The following KCNN2 variants were observed in gnomAD, a reference collection of about 807,000 sequenced individuals.
The protein encoded by KCNN2 is potassium calcium-activated channel subfamily N member 2, also known as small conductance calcium-activated potassium channel protein 2.
KCNN2 carries 24 observed loss-of-function variants against 55.5 expected under a neutral mutation model. That is an observed-to-expected ratio of 0.43 (90% CI 0.31 to 0.61). KCNN2 has a LOEUF of 0.61. Among genes scored for constraint, KCNN2 ranks in the 20% least tolerant of loss-of-function variants. KCNN2 has a pLI of 0.08. For missense variants in KCNN2, 754 were observed against 853.6 expected, an observed-to-expected ratio of 0.88 and a Z score of 1.45; for synonymous variants, 431 against 336.1, an observed-to-expected ratio of 1.28 and a Z score of -3.09.
intron 5 of KCNN2, among the ~76,000 whole-genome samples, chr5:114,479,856 A>G (rs1312531168): frequency 1.3e-5 from 2 of 152,232 alleles, no homozygotes; most frequent in Non-Finnish European, 2.9e-5. Flanking sequence ...GCAACGTAGC[A>G]GAATCTCTGG....
intron 3 of KCNN2, among the ~76,000 whole-genome samples, chr5:114,409,639 T>G (rs1759062910): frequency 6.6e-6 from 1 of 152,190 alleles, no homozygotes; most frequent in African/African-American, 2.4e-5. Context: ...TTGGACTTTT[T>G]TAAAAGGAAA....
intron 1 of KCNN2, among the ~76,000 whole-genome samples, chr5:114,170,200 A>T (rs993531841): frequency 8.5e-5 from 13 of 152,224 alleles, no homozygotes; most frequent in African/African-American, 3.1e-4. Context: ...CGAAAGCATC[A>T]TTTTTGGCCA....
chr5:114,312,434 C>CATATATATATAT (rs59964515), intron 2 of KCNN2, among the ~76,000 whole-genome samples: 19 of 23,388 alleles, frequency 8.1e-4, no homozygotes, highest in African/African-American at 1.5e-3. Context: ...CACACACACA[C>CATATATATATAT]ATATATATAT....
At chr5:114,328,916 G>A (rs1456125299) in intron 2 of KCNN2, among the ~76,000 whole-genome samples, 2 of 152,132 alleles carry the variant, frequency 1.3e-5, no homozygotes, top group African/African-American at 4.8e-5. Context: ...AAAAAAGTGT[G>A]TATAGTGTGT....
chr5:114,466,232 C>CCTTCTGCTATTTGAGGAAGTACTGAA (rs1761441257), intron 4 of KCNN2, among the ~76,000 whole-genome samples: 1 of 151,938 alleles, frequency 6.6e-6, no homozygotes, highest in Non-Finnish European at 1.5e-5. Context: ...ATTCTTCTAC[C>CCTTCTGCTATTTGAGGAAGTACTGAA]CTTCTGCTAT....
intron 1 of KCNN2, among the ~76,000 whole-genome samples, chr5:114,127,117 C>G (rs1751951643): frequency 6.6e-6 from 1 of 152,146 alleles, no homozygotes; most frequent in Non-Finnish European, 1.5e-5. Context: ...TGAGACTTTT[C>G]CAGGTGCATG....
At chr5:114,099,058 C>A (rs1289196986) in intron 1 of KCNN2, among the ~76,000 whole-genome samples, 1 of 152,126 alleles carries the variant, frequency 6.6e-6, no homozygotes, top group African/African-American at 2.4e-5. Context: ...ACATATTAGG[C>A]TTTTCTCCAA....
At chr5:114,445,412 T>C (rs1760365067) in intron 3 of KCNN2, among the ~76,000 whole-genome samples, 1 of 152,216 alleles carries the variant, frequency 6.6e-6, no homozygotes, top group Non-Finnish European at 1.5e-5. Context: ...TGAGACACTT[T>C]ATAAAAATAT....
At chr5:114,245,775 T>C (rs1302406890) in intron 2 of KCNN2, among the ~76,000 whole-genome samples, 8 of 152,194 alleles carry the variant, frequency 5.3e-5, no homozygotes, top group Non-Finnish European at 1.2e-4. Flanking sequence ...AAAGGAAGGC[T>C]GAAAAATTTA....
chr5:114,067,599 CTT>C (rs1252912037), intron 1 of KCNN2, among the ~76,000 whole-genome samples: 2 of 151,942 alleles, frequency 1.3e-5, no homozygotes, highest in Non-Finnish European at 2.9e-5. Context: ...AAAATTATAA[CTT>C]TGTGATTAGA....
At chr5:114,429,282 A>T (rs1469010087) in intron 3 of KCNN2, among the ~76,000 whole-genome samples, 1 of 152,074 alleles carries the variant, frequency 6.6e-6, no homozygotes. Flanking sequence ...ATGAGATACC[A>T]CTATGTATCT....
chr5:114,380,069 G>T (rs1285203016), intron 2 of KCNN2, among the ~76,000 whole-genome samples: 1 of 150,786 alleles, frequency 6.6e-6, no homozygotes, highest in Non-Finnish European at 1.5e-5. Context: ...ACTTATTTTA[G>T]TCCCATCTTA....
chr5:114,363,424 T>A (rs971961094), intron 1 of KCNN2, among the ~76,000 whole-genome samples, 163 bp downstream of exon 1: 1 of 152,212 alleles, frequency 6.6e-6, no homozygotes, highest in African/African-American at 2.4e-5. Flanking sequence ...CGTAGTCAGC[T>A]AAACAACTCG....
intron 2 of KCNN2, among the ~76,000 whole-genome samples, chr5:114,319,030 C>T (rs1226242483): frequency 6.6e-6 from 1 of 152,074 alleles, no homozygotes; most frequent in Non-Finnish European, 1.5e-5. Flanking sequence ...TTCTTCTGTG[C>T]CCCCAACGTA....
intron 1 of KCNN2, among the ~76,000 whole-genome samples, chr5:114,207,960 T>C (rs1580619519): frequency 6.6e-6 from 1 of 152,182 alleles, no homozygotes; most frequent in African/African-American, 2.4e-5. Flanking sequence ...GAAGAGGCTG[T>C]TGTGGCAGTG....
chr5:114,179,648 T>G (rs1230171282), intron 1 of KCNN2, among the ~76,000 whole-genome samples: 1 of 152,188 alleles, frequency 6.6e-6, no homozygotes, highest in East Asian at 1.9e-4. Context: ...TCAAACTTTT[T>G]TTTTTCTAAA....
At chr5:114,107,370 T>C (rs1319402727) in intron 1 of KCNN2, among the ~76,000 whole-genome samples, 1 of 152,012 alleles carries the variant, frequency 6.6e-6, no homozygotes, top group African/African-American at 2.4e-5. Flanking sequence ...TTTCCTAGTG[T>C]CCACTCTTTG....
intron 1 of KCNN2, among the ~76,000 whole-genome samples, chr5:114,165,072 C>T (rs1402227456): frequency 6.6e-6 from 1 of 152,176 alleles, no homozygotes; most frequent in African/African-American, 2.4e-5. Context: ...GATACAAATC[C>T]AAGTAGTCTG....
chr5:114,278,825 C>G (rs564442377), intron 2 of KCNN2, among the ~76,000 whole-genome samples: 1 of 152,162 alleles, frequency 6.6e-6, no homozygotes, highest in Admixed American at 6.5e-5. Flanking sequence ...TTGTGCTTCC[C>G]GGGTGAGGCA....
Sources: allele counts gnomAD v4.1 joint callset (sites outside exome capture counted in the v4.1 genomes callset), GRCh38; gene constraint gnomAD v4.1.1; transcripts MANE v1.5; gene names NCBI Gene and HGNC (gene_info 2026-07-23, HGNC 2026-07-21).